Variants in ARIH1 observed in about 807,000 individuals in gnomAD.
The protein encoded by ARIH1 is ariadne RBR E3 ubiquitin protein ligase 1.
A neutral mutation model predicts 85.0 loss-of-function variants in ARIH1; 8 were observed. That is an observed-to-expected ratio of 0.09 (90% CI 0.06 to 0.17). The LOEUF (loss-of-function observed/expected upper bound fraction) is 0.17, where lower values mean the gene tolerates loss of function less well. Among genes scored for constraint, ARIH1 ranks in the 10% least tolerant of loss-of-function variants. ARIH1 has a pLI of 1.00. For missense variants in ARIH1, 311 were observed against 718.1 expected (o/e 0.43, Z 6.48); for synonymous variants, 238 against 253.6 (o/e 0.94, Z 0.59).
rs144813486 is a variant in ARIH1, at chr15:72,580,817, A to G, written c.1302A>G (p.Leu434=). 305 of 1,614,156 alleles carry G rather than the reference A, an allele frequency of 1.9e-4. 2 individuals carry two copies. The Admixed American group carries it at 4.7e-3, about 25-fold the overall frequency. ...HMQSLRFEHK[L]YAQVKQKMEE... ...AGAGCCTGCGCTTTGAGCACAAACTATATGCTCAGGTGAAACAGAAAATGG... is the reference window on the plus strand; with the variant it reads ...AGAGCCTGCGCTTTGAGCACAAACTGTATGCTCAGGTGAAACAGAAAATGG... The change falls in exon 12 of 14, where the codon CTA becomes CTG. Residue 434 remains leucine (L), a synonymous_variant. Transcript: ENST00000379887.
intron 10 of ARIH1, among the ~76,000 whole-genome samples, 158 bp downstream of exon 10, chr15:72,570,465 ATTAG>A (rs2064238501): frequency 6.6e-6 from 1 of 152,208 alleles, no homozygotes; most frequent in Non-Finnish European, 1.5e-5. Context: ...ACATAGAGGG[ATTAG>A]TTAGATATAT....
rs1378467605 is a variant in ARIH1, at chr15:72,591,547, G to T, written c.*8255G>T. The T allele has an allele frequency of 6.6e-6, 1 of 152,126 alleles. No homozygotes were observed. The highest frequency in any genetic ancestry group is 2.4e-5 in the African/African-American group (1 of 41,430). 9.4% of individuals were successfully genotyped at this position (152,126 alleles called of 1,614,324 possible). ...GGATTTTGTCCTAAGTTTTCTTAGG[G>T]ATCCTATCCAAAAACACCATTACTT... On this transcript the variant is annotated 3_prime_UTR_variant, in exon 14 of 14. Coordinates refer to ENST00000379887, the MANE Select transcript of ARIH1 (RefSeq NM_005744.5).
At chr15:72,509,703 C>T (rs1346611396) in intron 1 of ARIH1, among the ~76,000 whole-genome samples, 1 of 152,118 alleles carries the variant, frequency 6.6e-6, no homozygotes, top group Non-Finnish European at 1.5e-5. Context: ...ATCCTACTCA[C>T]CTCAGTCTCT....
chr15:72,478,698 T>G (rs1208605090), intron 1 of ARIH1, among the ~76,000 whole-genome samples: 1 of 152,192 alleles, frequency 6.6e-6, no homozygotes, highest in African/African-American at 2.4e-5. Context: ...AACCTTAGCA[T>G]CTCTGTATTT....
intron 1 of ARIH1, among the ~76,000 whole-genome samples, chr15:72,479,591 TAG>T (rs1396728063): frequency 6.6e-6 from 1 of 151,950 alleles, no homozygotes; most frequent in Non-Finnish European, 1.5e-5. Flanking sequence ...GTATTTTTAG[TAG>T]AGACTGGGTT....
intron 1 of ARIH1, among the ~76,000 whole-genome samples, chr15:72,499,995 G>A (rs1281910523): frequency 6.6e-6 from 1 of 152,182 alleles, no homozygotes; most frequent in African/African-American, 2.4e-5. Context: ...TTGATTGCTA[G>A]ATTGGCTAGG....
chr15:72,487,066 CTAT>C (rs752734642), intron 1 of ARIH1, among the ~76,000 whole-genome samples: 22 of 151,578 alleles, frequency 1.5e-4, no homozygotes, highest in East Asian at 1.9e-4. Context: ...GAATTTTCTC[CTAT>C]TATTATTATT....
intron 1 of ARIH1, among the ~76,000 whole-genome samples, chr15:72,492,292 C>T (rs2063862661): frequency 6.6e-6 from 1 of 152,040 alleles, no homozygotes; most frequent in Admixed American, 6.6e-5. Flanking sequence ...CCAAAAAGCC[C>T]AGCATTCTTC....
At chr15:72,572,044 T>A (rs2064250275) in intron 10 of ARIH1, 64 bp from the exon 11 acceptor site, 1 of 491,206 alleles carries the variant, frequency 2.0e-6, no homozygotes, top group Non-Finnish European at 3.0e-6. Context: ...AAAATTCTGA[T>A]TTTTTTTTTT....
intron 11 of ARIH1, among the ~76,000 whole-genome samples, chr15:72,573,548 CTAAATAAA>C (rs563388781): frequency 9.9e-5 from 15 of 151,578 alleles, no homozygotes; most frequent in Admixed American, 3.3e-4. Context: ...GACTCTGTCG[CTAAATAAA>C]TAAATAAATA....
intron 1 of ARIH1, among the ~76,000 whole-genome samples, chr15:72,476,815 A>G (rs996257508): frequency 6.6e-6 from 1 of 152,220 alleles, no homozygotes; most frequent in Non-Finnish European, 1.5e-5. Flanking sequence ...CGTTAATAAC[A>G]GTGGAACCAT....
chr15:72,540,119 G>A (rs144889258), intron 2 of ARIH1, among the ~76,000 whole-genome samples: 7 of 152,006 alleles, frequency 4.6e-5, no homozygotes, highest in South Asian at 2.1e-4. Flanking sequence ...TTAGCTGGGC[G>A]TGGTGGCAGG....
rs1035384581 is a variant in ARIH1, at chr15:72,597,895, G to A, written c.*14603G>A. On this transcript the variant is annotated 3_prime_UTR_variant, in exon 14 of 14. Transcript: ENST00000379887. ...CAACTAGGAATAACAACAGCTAGGG[G>A]GTCTCTTCTCTCCTATGAAGGACTT... 1.3e-5 allele frequency: 2 copies of A among 152,100 alleles called. No homozygotes were observed. The highest frequency in any genetic ancestry group is 2.9e-5 in the Non-Finnish European group (2 of 68,032). The allele number at this position is 152,100 out of a possible 1,614,324, so 9.4% of individuals were successfully genotyped here.
intron 2 of ARIH1, among the ~76,000 whole-genome samples, chr15:72,523,186 C>G (rs1445843514): frequency 6.6e-6 from 1 of 152,190 alleles, no homozygotes; most frequent in African/African-American, 2.4e-5. Flanking sequence ...CAAAAACCTG[C>G]ACATGGATGT....
chr15:72,480,186 G>T (rs961698689), intron 1 of ARIH1, among the ~76,000 whole-genome samples: 1 of 151,732 alleles, frequency 6.6e-6, no homozygotes, highest in African/African-American at 2.4e-5. Flanking sequence ...TACTATTCTA[G>T]CATATTGTTT....
intron 3 of ARIH1, among the ~76,000 whole-genome samples, chr15:72,552,325 G>A (rs2064156115): frequency 6.6e-6 from 1 of 152,156 alleles, no homozygotes; most frequent in African/African-American, 2.4e-5. Flanking sequence ...GTCTTGCCCT[G>A]TCATCAGGCT....
intron 1 of ARIH1, among the ~76,000 whole-genome samples, chr15:72,498,768 A>G (rs1212377612): frequency 6.6e-6 from 1 of 151,506 alleles, no homozygotes; most frequent in Non-Finnish European, 1.5e-5. Context: ...TGAACCCAGG[A>G]GGCGGAGGTT....
At chr15:72,562,876 C>G (rs2064203031) in intron 6 of ARIH1, among the ~76,000 whole-genome samples, 1 of 140,316 alleles carries the variant, frequency 7.1e-6, no homozygotes, top group Non-Finnish European at 1.5e-5. Flanking sequence ...AAAACCAGGT[C>G]TTCAGGGATC....
chr15:72,555,760 G>T, intron 4 of ARIH1, 92 bp from the exon 5 acceptor site: 1 of 997,424 alleles, frequency 1.0e-6, no homozygotes, highest in South Asian at 1.3e-5. Context: ...AAACATTAAG[G>T]TATTCCCAGA....
Sources: gnomAD v4.1 joint callset for allele counts (sites outside exome capture counted in the v4.1 genomes callset) on GRCh38, gnomAD v4.1.1 for gene constraint, MANE v1.5 for transcripts, NCBI Gene and HGNC (gene_info 2026-07-23, HGNC 2026-07-21) for gene names.